MDGA2: variants seen among roughly 807,000 people sequenced by gnomAD.
MDGA2 encodes MAM domain-containing glycosylphosphatidylinositol anchor protein 2.
A neutral mutation model predicts 117.8 loss-of-function variants in MDGA2; 40 were observed. That is an observed-to-expected ratio of 0.34 (90% CI 0.26 to 0.44). The LOEUF is 0.44. Among genes scored for constraint, MDGA2 ranks in the 20% least tolerant of loss-of-function variants. The pLI, the probability that MDGA2 is intolerant of heterozygous loss-of-function variation, is 1.00. For missense variants in MDGA2, 1,123 were observed against 1,250.6 expected, an observed-to-expected ratio of 0.90 and a Z score of 1.54; for synonymous variants, 452 against 439.0, an observed-to-expected ratio of 1.03 and a Z score of -0.37.
At chr14:47,345,805 A>G (rs1890750688) in intron 1 of MDGA2, among the ~76,000 whole-genome samples, 1 of 152,140 alleles carries the variant, frequency 6.6e-6, no homozygotes, top group African/African-American at 2.4e-5. Context: ...TATAAACACA[A>G]ATACATTTGG....
intron 6 of MDGA2, among the ~76,000 whole-genome samples, chr14:47,083,905 C>CA (rs141456537): frequency 0.025 from 3,841 of 151,130 alleles, 151 homozygotes; most frequent in African/African-American, 0.088. Flanking sequence ...CTTCCCCCTC[C>CA]AAAAAAAAGC....
intron 3 of MDGA2, among the ~76,000 whole-genome samples, chr14:47,212,017 T>C (rs1239756102): frequency 6.6e-6 from 1 of 150,980 alleles, no homozygotes; most frequent in East Asian, 1.9e-4. Flanking sequence ...TCAGTGGAGC[T>C]ATATTTTGAA....
chr14:47,494,948 T>C (rs531822515), intron 1 of MDGA2, among the ~76,000 whole-genome samples: 6 of 150,568 alleles, frequency 4.0e-5, no homozygotes, highest in African/African-American at 1.5e-4. Context: ...TACACACACA[T>C]ATATATACAC....
At chr14:47,596,404 G>C (rs1412121260) in intron 1 of MDGA2, among the ~76,000 whole-genome samples, 1 of 152,088 alleles carries the variant, frequency 6.6e-6, no homozygotes, top group Admixed American at 6.6e-5. Context: ...ACTCATTCTG[G>C]AAAGTCCATT....
At chr14:47,003,738 T>C (rs1887615209) in intron 8 of MDGA2, among the ~76,000 whole-genome samples, 1 of 152,082 alleles carries the variant, frequency 6.6e-6, no homozygotes, top group Non-Finnish European at 1.5e-5. Context: ...TTCATTCTTT[T>C]ATCAGTATCT....
At chr14:47,289,108 G>A (rs1888787325) in intron 2 of MDGA2, among the ~76,000 whole-genome samples, 1 of 151,838 alleles carries the variant, frequency 6.6e-6, no homozygotes, top group South Asian at 2.1e-4. Context: ...ATTTTAATGA[G>A]TGTTTCATTA....
chr14:47,375,079 G>A (rs1891446831), intron 1 of MDGA2, among the ~76,000 whole-genome samples: 1 of 149,258 alleles, frequency 6.7e-6, no homozygotes, highest in South Asian at 2.1e-4. Flanking sequence ...TTCAAAACCT[G>A]TTTTTTTTAA....
At chr14:47,136,981 A>G (rs1014441775) in intron 4 of MDGA2, among the ~76,000 whole-genome samples, 1 of 152,240 alleles carries the variant, frequency 6.6e-6, no homozygotes, top group African/African-American at 2.4e-5. Context: ...GGAAATATAT[A>G]CAATAATCAA....
At chr14:46,937,146 G>A (rs556259284) in intron 9 of MDGA2, among the ~76,000 whole-genome samples, 1 of 151,956 alleles carries the variant, frequency 6.6e-6, no homozygotes, top group Admixed American at 6.6e-5. Context: ...CATATGCCTG[G>A]AGTGAACAGT....
chr14:47,441,777 T>A (rs529984216), intron 1 of MDGA2, among the ~76,000 whole-genome samples: 1 of 152,258 alleles, frequency 6.6e-6, no homozygotes, highest in South Asian at 2.1e-4. Flanking sequence ...ATACTGTTAA[T>A]AGAAATATAA....
intron 10 of MDGA2, among the ~76,000 whole-genome samples, chr14:46,904,296 C>T (rs1057046713): frequency 6.8e-5 from 10 of 147,162 alleles, no homozygotes; most frequent in Admixed American, 1.4e-4. Flanking sequence ...TGCAGAAACC[C>T]GAAAGGCAGA....
At chr14:47,165,104 G>C (rs149471717) in intron 3 of MDGA2, among the ~76,000 whole-genome samples, 2,008 of 152,204 alleles carry the variant, frequency 0.013, 51 homozygotes, top group African/African-American at 0.045. Context: ...CCTGTTGTGG[G>C]GTGGGGGCAG....
intron 6 of MDGA2, among the ~76,000 whole-genome samples, chr14:47,083,518 A>G (rs962613882): frequency 2.6e-5 from 4 of 152,028 alleles, no homozygotes; most frequent in African/African-American, 7.2e-5. Flanking sequence ...AAGTCAAGAC[A>G]AAGAAAACAG....
intron 1 of MDGA2, among the ~76,000 whole-genome samples, chr14:47,386,016 C>A (rs2138427427): frequency 6.6e-6 from 1 of 152,220 alleles, no homozygotes; most frequent in South Asian, 2.1e-4. Context: ...CGCGGTGGCT[C>A]ACATCTGTAA....
intron 10 of MDGA2, among the ~76,000 whole-genome samples, chr14:46,885,302 C>A (rs780170448): frequency 5.9e-5 from 9 of 151,928 alleles, no homozygotes; most frequent in Non-Finnish European, 1.0e-4. Flanking sequence ...AAAATACAAG[C>A]CAGAGGTTTG....
Position 47,100,581 on chromosome 14 carries a change from T to C in MDGA2, c.926-3458A>G, listed in dbSNP as rs144833162. On this transcript the variant is annotated intron_variant, in intron 5 of 16. Coordinates refer to ENST00000399232, the MANE Select transcript of MDGA2 (RefSeq NM_001113498.3). ...TGATTCATCGCAGCAACATGTGAGA[T>C]AGATTATTAGTTTATTCTCATTGAT... is the stretch of plus-strand genomic sequence containing the variant. Among the ~76,000 whole-genome samples the C allele has an allele frequency of 2.6e-3, 401 of 152,252 alleles. 3 individuals carry two copies. Among genetic ancestry groups the C allele is most frequent in the African/African-American group, 9.1e-3 (377 of 41,572 alleles).
At chr14:47,608,258 T>C (rs1031848742) in intron 1 of MDGA2, among the ~76,000 whole-genome samples, 5 of 152,148 alleles carry the variant, frequency 3.3e-5, no homozygotes, top group Admixed American at 6.6e-5. Context: ...GCATCTTTTA[T>C]TAAGACTTTT....
intron 9 of MDGA2, among the ~76,000 whole-genome samples, chr14:46,939,059 A>T (rs1884897298): frequency 6.6e-6 from 1 of 152,192 alleles, no homozygotes; most frequent in African/African-American, 2.4e-5. Flanking sequence ...GAAGCTAAAA[A>T]GGTTGATCTC....
intron 7 of MDGA2, among the ~76,000 whole-genome samples, chr14:47,052,444 A>G (rs1459642665): frequency 6.6e-6 from 1 of 151,898 alleles, no homozygotes; most frequent in Non-Finnish European, 1.5e-5. Context: ...TGGGGAAAAT[A>G]TTGGAGTATT....
Sources: allele counts gnomAD v4.1 joint callset (sites outside exome capture counted in the v4.1 genomes callset), GRCh38; gene constraint gnomAD v4.1.1; transcripts MANE v1.5; gene names NCBI Gene and HGNC (gene_info 2026-07-23, HGNC 2026-07-21).